The following DISC1 variants were observed in gnomAD, a reference collection of about 807,000 sequenced individuals.
DISC1 encodes disrupted in schizophrenia 1 protein.
In DISC1, 57 loss-of-function variants were observed where a neutral mutation model predicts 84.5. The ratio of observed to expected loss-of-function variants is 0.67; its 90% confidence interval spans 0.55 to 0.84. The LOEUF (loss-of-function observed/expected upper bound fraction) is 0.84, where lower values mean the gene tolerates loss of function less well. Ranked by LOEUF, DISC1 falls within the 40% of genes least tolerant of loss-of-function variation. The pLI, the probability that DISC1 is intolerant of heterozygous loss-of-function variation, is 0.00. For synonymous variants in DISC1, 411 were observed against 415.2 expected (o/e 0.99, Z 0.12); for missense variants, 1,000 against 1,057.8 (o/e 0.95, Z 0.76).
chr1:231,803,488 G>A (rs577698866), intron 8 of DISC1, among the ~76,000 whole-genome samples: 10 of 152,242 alleles, frequency 6.6e-5, no homozygotes, highest in East Asian at 3.9e-4. Context: ...AGCTGCAGTC[G>A]TCTAAAGGCT....
chr1:231,840,319 G>A (rs1385716510), intron 9 of DISC1, among the ~76,000 whole-genome samples: 1 of 152,022 alleles, frequency 6.6e-6, no homozygotes, highest in East Asian at 1.9e-4. Context: ...TTATCCTCTA[G>A]AAATAAAAAT....
chr1:231,888,213 G>A (rs1479955392), intron 9 of DISC1, among the ~76,000 whole-genome samples: 1 of 152,180 alleles, frequency 6.6e-6, no homozygotes. Flanking sequence ...TTATGCGATA[G>A]TGGACAGGGA....
intron 9 of DISC1, among the ~76,000 whole-genome samples, chr1:231,920,072 T>C (rs1248986168): frequency 6.6e-6 from 1 of 152,140 alleles, no homozygotes; most frequent in East Asian, 1.9e-4. Flanking sequence ...CTCTACGTAC[T>C]AGATGCTAGT....
rs1264000701 is a variant in DISC1, at chr1:232,008,802, T to C, written c.2060T>C (p.Leu687Pro). The change falls in exon 11 of 13, where the codon CTT (leucine) becomes CCT (proline). Residue 687 changes from leucine (L) to proline (P), a missense_variant. By Grantham distance (98) the Leu-to-Pro change is moderately conservative (BLOSUM62 -3). Around this residue, in one of 3 missense-constraint regions of DISC1, gnomAD observed 397 missense variants for 377.5 expected, o/e 1.05. Coordinates refer to ENST00000439617, the MANE Select transcript of DISC1 (RefSeq NM_018662.3). The part of the protein sequence containing the change: ...NKLCSCKCPL[L>P]GKVWEADLEA... ...TGTCTCAGCTGCAAGTGTCCACTGC[T>C]TGGGAAAGTGTGGGAAGCTGACTTG... The C allele has an allele frequency of 3.8e-6, 6 of 1,581,592 alleles. No individual in the cohort carries two copies. The South Asian group carries it at 7.1e-5, about 19-fold the overall frequency.
At chr1:231,795,191 A>G (rs537514161) in intron 6 of DISC1, 51 bp from the exon 7 acceptor site, 17 of 1,550,630 alleles carry the variant, frequency 1.1e-5, no homozygotes, top group East Asian at 6.7e-5. Flanking sequence ...CTGTAGTGGT[A>G]TTGAATTGTG....
chr1:231,953,662 T>C (rs1192315738), intron 9 of DISC1, among the ~76,000 whole-genome samples: 1 of 152,216 alleles, frequency 6.6e-6, no homozygotes, highest in East Asian at 1.9e-4. Context: ...AATATTGATC[T>C]TTGAAATCTG....
intron 4 of DISC1, among the ~76,000 whole-genome samples, chr1:231,759,788 G>T (rs2075492544): frequency 6.6e-6 from 1 of 152,146 alleles, no homozygotes; most frequent in Non-Finnish European, 1.5e-5. Context: ...GGAACCACAA[G>T]AGACAGTGGC....
intron 9 of DISC1, among the ~76,000 whole-genome samples, chr1:231,878,772 T>A (rs1224150879): frequency 6.6e-6 from 1 of 152,148 alleles, no homozygotes; most frequent in Non-Finnish European, 1.5e-5. Context: ...AAAGTCACCC[T>A]TAGCCCTTCC....
intron 1 of DISC1, among the ~76,000 whole-genome samples, chr1:231,641,586 G>A (rs919990784): frequency 1.3e-5 from 2 of 152,216 alleles, no homozygotes; most frequent in African/African-American, 2.4e-5. Context: ...ACCGGAGAGG[G>A]TTGCCGCTGC....
chr1:231,648,015 T>C (rs2125252565), intron 1 of DISC1, among the ~76,000 whole-genome samples: 1 of 152,346 alleles, frequency 6.6e-6, no homozygotes, highest in Non-Finnish European at 1.5e-5. Context: ...ACAGGGACAA[T>C]TTAACTTCCT....
chr1:231,804,589 G>A (rs982035592), intron 8 of DISC1, among the ~76,000 whole-genome samples: 1 of 151,994 alleles, frequency 6.6e-6, no homozygotes, highest in Non-Finnish European at 1.5e-5. Context: ...CTGGAGTCAC[G>A]GGATTATAGG....
intron 9 of DISC1, among the ~76,000 whole-genome samples, chr1:231,868,692 TTATATA>T (rs58636016): frequency 0.018 from 1,944 of 108,592 alleles, 25 homozygotes; most frequent in African/African-American, 0.025. Flanking sequence ...ACCCCATCTC[TTATATA>T]TATATATATA....
intron 9 of DISC1, among the ~76,000 whole-genome samples, chr1:231,858,048 T>C (rs911653416): frequency 1.3e-5 from 2 of 152,160 alleles, no homozygotes; most frequent in African/African-American, 4.8e-5. Flanking sequence ...TAAACACAAT[T>C]GTGGATGGAG....
At chr1:231,873,574 A>C (rs1385920057) in intron 9 of DISC1, among the ~76,000 whole-genome samples, 1 of 152,232 alleles carries the variant, frequency 6.6e-6, no homozygotes, top group Non-Finnish European at 1.5e-5. Context: ...GGGAGGGTTT[A>C]GGAATTGTAA....
chr1:231,866,634 C>A (rs2085081397), intron 9 of DISC1: 2 of 1,579,532 alleles, frequency 1.3e-6, no homozygotes, highest in South Asian at 1.2e-5. Context: ...TGACTTCAGC[C>A]CCCAGCGCTC....
intron 6 of DISC1, among the ~76,000 whole-genome samples, chr1:231,794,744 A>G (rs921520058): frequency 4.0e-5 from 6 of 150,688 alleles, no homozygotes; most frequent in African/African-American, 1.5e-4. Flanking sequence ...GAGAAGGCTA[A>G]GGGGGTGCTA....
chr1:231,914,470 G>A (rs777218786), intron 9 of DISC1, among the ~76,000 whole-genome samples: 23 of 152,250 alleles, frequency 1.5e-4, no homozygotes, highest in Admixed American at 9.2e-4. Context: ...AGCTCTGCTC[G>A]GCTTCTTTTG....
chr1:231,698,809 C>G lies in DISC1; in HGVS notation c.1048-3146C>G, dbSNP rs996779666. On this transcript the variant is annotated intron_variant, in intron 2 of 12. Coordinates refer to ENST00000439617, the MANE Select transcript of DISC1 (RefSeq NM_018662.3). This position sits in a 1 kb window ranked among gnomAD's most constrained non-coding sequence, Gnocchi z 4.9. Reference sequence around the variant, plus strand: ...ACCATTCACACAGCCTTTCTTCTGTCCCTAATATATAGGACTAAGTTACTG... The same window carrying G: ...ACCATTCACACAGCCTTTCTTCTGTGCCTAATATATAGGACTAAGTTACTG... Among the ~76,000 whole-genome samples, 2 of 152,138 alleles carry G rather than the reference C, an allele frequency of 1.3e-5. No homozygotes were observed. Among genetic ancestry groups the G allele is most frequent in the Non-Finnish European group, 2.9e-5 (2 of 68,038 alleles).
intron 3 of DISC1, among the ~76,000 whole-genome samples, chr1:231,717,432 G>C (rs1344393837): frequency 6.6e-6 from 1 of 152,146 alleles, no homozygotes; most frequent in Non-Finnish European, 1.5e-5. Flanking sequence ...CTGGAGTCTG[G>C]AGCCTTGCTA....
Sources: gnomAD v4.1 joint callset for allele counts (sites outside exome capture counted in the v4.1 genomes callset) on GRCh38, gnomAD v4.1.1 for gene constraint, gnomAD v4.1.1 regional missense constraint, Gnocchi (gnomAD v3.1) non-coding constraint, MANE v1.5 for transcripts, NCBI Gene and HGNC (gene_info 2026-07-23, HGNC 2026-07-21) for gene names.